The following CTNNA1 variants were observed in gnomAD, a reference collection of about 807,000 sequenced individuals.
CTNNA1 encodes catenin alpha-1.
CTNNA1 carries 37 observed loss-of-function variants against 98.4 expected under a neutral mutation model. That is an observed-to-expected ratio of 0.38 (90% CI 0.29 to 0.49). The LOEUF is 0.49. CTNNA1 is among the 20% of genes least tolerant of loss of function. CTNNA1 has a pLI of 0.95. For missense variants in CTNNA1, 761 were observed against 1,147.2 expected (o/e 0.66, Z 4.86); for synonymous variants, 404 against 413.2 (o/e 0.98, Z 0.27).
At chr5:138,902,286 T>C (rs1294464897) in intron 9 of CTNNA1, among the ~76,000 whole-genome samples, 1 of 152,232 alleles carries the variant, frequency 6.6e-6, no homozygotes, top group Admixed American at 6.5e-5. Flanking sequence ...TTCTGAGTTT[T>C]AAGGATTCAT....
intron 7 of CTNNA1, among the ~76,000 whole-genome samples, chr5:138,880,888 T>C (rs996522424): frequency 1.3e-5 from 2 of 151,912 alleles, no homozygotes; most frequent in African/African-American, 4.8e-5. Context: ...CTGAGAACCC[T>C]CTTAATAGGT....
At chr5:138,783,145 C>G in intron 2 of CTNNA1, 32 bp from the exon 3 acceptor site, 6 of 1,504,898 alleles carry the variant, frequency 4.0e-6, no homozygotes, top group South Asian at 1.3e-5. Flanking sequence ...TTTTAATTGA[C>G]TCCAGTTTAA....
At chr5:138,818,796 G>A (rs1759712423) in intron 5 of CTNNA1, among the ~76,000 whole-genome samples, 1 of 152,288 alleles carries the variant, frequency 6.6e-6, no homozygotes, top group South Asian at 2.1e-4. Context: ...ATGACACAGT[G>A]TACGAGCAGC....
At chr5:138,891,193 C>T (rs1561664920) in intron 9 of CTNNA1, 1 of 152,204 alleles carries the variant, frequency 6.6e-6, no homozygotes, top group Admixed American at 6.5e-5. Context: ...GGAATCTGAT[C>T]CCATCTCTTC....
At chr5:138,877,638 G>A (rs1012581838) in intron 7 of CTNNA1, among the ~76,000 whole-genome samples, 27 of 151,736 alleles carry the variant, frequency 1.8e-4, no homozygotes, top group African/African-American at 6.3e-4. Flanking sequence ...TAGTAGAGAC[G>A]GGGTTTCACC....
chr5:138,836,590 A>G (rs560259817), intron 7 of CTNNA1, among the ~76,000 whole-genome samples: 2 of 152,206 alleles, frequency 1.3e-5, no homozygotes, highest in Non-Finnish European at 2.9e-5. Context: ...ATGCATGTTT[A>G]TGTATTTGTT....
intron 6 of CTNNA1, among the ~76,000 whole-genome samples, chr5:138,826,910 G>A (rs974964836): frequency 2.7e-4 from 41 of 152,168 alleles, no homozygotes; most frequent in African/African-American, 9.2e-4. Flanking sequence ...TGATCCTCCC[G>A]AGTAGCTGGG....
At chr5:138,764,868 CTTTTTTT>C (rs35354499) in intron 1 of CTNNA1, among the ~76,000 whole-genome samples, 2 of 84,940 alleles carry the variant, frequency 2.4e-5, no homozygotes, top group Non-Finnish European at 4.2e-5. Flanking sequence ...GTATCTCTCT[CTTTTTTT>C]TTTTTTTTTT....
At chr5:138,809,029 C>T (rs1004709592) in intron 3 of CTNNA1, among the ~76,000 whole-genome samples, 7 of 152,118 alleles carry the variant, frequency 4.6e-5, no homozygotes, top group African/African-American at 9.7e-5. Context: ...CTATCACCCA[C>T]GCTAGAGTGC....
intron 3 of CTNNA1, among the ~76,000 whole-genome samples, chr5:138,784,520 G>T (rs1755463289): frequency 6.6e-6 from 1 of 152,118 alleles, no homozygotes; most frequent in African/African-American, 2.4e-5. Flanking sequence ...CAGTTTTCAG[G>T]CTGAAGATAA....
chr5:138,770,595 C>A (rs1452759598), intron 1 of CTNNA1, among the ~76,000 whole-genome samples: 1 of 152,214 alleles, frequency 6.6e-6, no homozygotes, highest in Non-Finnish European at 1.5e-5. Context: ...ATGCTCTCTT[C>A]CTCCAGATAC....
At chr5:138,764,111 G>T (rs1752648603) in intron 1 of CTNNA1, among the ~76,000 whole-genome samples, 2 of 152,214 alleles carry the variant, frequency 1.3e-5, no homozygotes, top group South Asian at 4.1e-4. Context: ...CTTGAACCCG[G>T]GAGGTGGAGG....
intron 10 of CTNNA1, among the ~76,000 whole-genome samples, chr5:138,907,969 C>CTG (rs561221723): frequency 6.7e-6 from 1 of 149,070 alleles, no homozygotes; most frequent in African/African-American, 2.5e-5. Context: ...CCCATCCGCC[C>CTG]TTTTTTTTTT....
Position 138,873,010 on chromosome 5 carries a change from T to C in CTNNA1, c.1063-13202T>C, listed in dbSNP as rs368217721. On this transcript the variant is annotated intron_variant, in intron 7 of 17. Transcript: ENST00000302763. This position sits in a 1 kb window ranked among gnomAD's most constrained non-coding sequence, Gnocchi z 6.1. ...TGTGATTTTTGATGATGGGTAGATA[T>C]TATACTTCACATTCTTTGTATGGCA... 8.8e-6 allele frequency: 14 copies of C among 1,597,882 alleles called. No homozygotes were observed. The highest frequency in any genetic ancestry group is 2.2e-5 in the East Asian group (1 of 44,746).
intron 1 of CTNNA1, among the ~76,000 whole-genome samples, chr5:138,767,275 A>G (rs1753043125): frequency 6.6e-6 from 1 of 152,146 alleles, no homozygotes; most frequent in Non-Finnish European, 1.5e-5. Flanking sequence ...TGACCTTGTG[A>G]TCTGCCCACC....
At chr5:138,819,230 AGTATC>A (rs1322657254) in intron 5 of CTNNA1, among the ~76,000 whole-genome samples, 1 of 152,134 alleles carries the variant, frequency 6.6e-6, no homozygotes, top group African/African-American at 2.4e-5. Context: ...GGAGCTTGGC[AGTATC>A]CTAGGCTCTG....
At chr5:138,808,580 A>G (rs1469610409) in intron 3 of CTNNA1, among the ~76,000 whole-genome samples, 3 of 151,546 alleles carry the variant, frequency 2.0e-5, no homozygotes, top group Non-Finnish European at 4.4e-5. Context: ...TAATTAATAT[A>G]TGCATGTGAG....
At chr5:138,890,859 C>G (rs1307847266) in intron 9 of CTNNA1, among the ~76,000 whole-genome samples, 1 of 152,172 alleles carries the variant, frequency 6.6e-6, no homozygotes, top group Non-Finnish European at 1.5e-5. Context: ...TACTGAAATT[C>G]CAAAGATTCA....
chr5:138,923,257 A>G (rs1437933408), intron 11 of CTNNA1, among the ~76,000 whole-genome samples: 1 of 152,192 alleles, frequency 6.6e-6, no homozygotes, highest in Non-Finnish European at 1.5e-5. Context: ...ATTAGAGTTT[A>G]TATATTTTAA....
Sources: gnomAD v4.1 joint callset for allele counts (sites outside exome capture counted in the v4.1 genomes callset) on GRCh38, gnomAD v4.1.1 for gene constraint, Gnocchi (gnomAD v3.1) non-coding constraint, MANE v1.5 for transcripts, NCBI Gene and HGNC (gene_info 2026-07-23, HGNC 2026-07-21) for gene names.